The following GPRIN3 variants were observed in gnomAD, a reference collection of about 807,000 sequenced individuals.
GPRIN3 encodes G protein-regulated inducer of neurite outgrowth 3.
Under a neutral mutation model 13.7 loss-of-function variants are expected in GPRIN3, and 12 were observed. The observed-to-expected ratio is 0.87, with a 90% CI of 0.56 to 1.42. The LOEUF (loss-of-function observed/expected upper bound fraction) is 1.42, where lower values mean the gene tolerates loss of function less well. GPRIN3 is among the 40% of genes most tolerant of loss of function. GPRIN3 has a pLI of 0.00. For synonymous variants in GPRIN3, 377 were observed against 372.7 expected, an observed-to-expected ratio of 1.01 and a Z score of -0.13; for missense variants, 1,009 against 958.7, an observed-to-expected ratio of 1.05 and a Z score of -0.69.
chr4:89,302,507 T>C (rs1184141285), intron 1 of GPRIN3, among the ~76,000 whole-genome samples: 1 of 152,182 alleles, frequency 6.6e-6, no homozygotes, highest in African/African-American at 2.4e-5. Context: ...GGGTCATTTA[T>C]AACTGCCTGG....
rs576728901 is a variant in GPRIN3, at chr4:89,249,211, C to T, written c.900G>A (p.Thr300=). The T allele has an allele frequency of 4.1e-5, 66 of 1,614,154 alleles. No individual in the cohort carries two copies. Among genetic ancestry groups the T allele is most frequent in the South Asian group, 1.1e-4 (10 of 91,086 alleles). Residue 300 remains threonine (T), a synonymous_variant, in exon 2 of 2, where the codon ACG becomes ACA. Transcript: ENST00000609438. ...RQMSRFKEAS[T]MTNQAESEIK... ...TTTCACTTTCAGCTTGGTTGGTCAT[C>T]GTACTGGCTTCTTTGAACCTTGACA...
intron 1 of GPRIN3, among the ~76,000 whole-genome samples, chr4:89,291,575 A>G (rs1724573091): frequency 6.6e-6 from 1 of 152,100 alleles, no homozygotes. Context: ...TTCCTTTACT[A>G]GTTGAGGGAC....
Position 89,248,578 on chromosome 4 carries a change from T to C in GPRIN3, c.1533A>G (p.Leu511=), listed in dbSNP as rs199724097. Residue 511 remains leucine (L), a synonymous_variant, in exon 2 of 2, where the codon CTA becomes CTG. Transcript: ENST00000609438. ...NGHKTDPDCK[L]SDSCGSISKA... ...TGCTGATAGAGCCACAAGAGTCAGA[T>C]AGTTTGCAATCTGGGTCTGTTTTGT... is the stretch of plus-strand genomic sequence containing the variant. The C allele has an allele frequency of 6.8e-5, 110 of 1,613,404 alleles. No homozygotes were observed. The highest frequency in any genetic ancestry group is 1.5e-4 in the South Asian group (14 of 91,076).
chr4:89,249,869 G>A lies in GPRIN3; in HGVS notation c.242C>T (p.Pro81Leu), dbSNP rs756428284. Residue 81 changes from proline to leucine, a missense_variant, in exon 2 of 2, where the codon CCT (proline) becomes CTT (leucine). By Grantham distance (98) the Pro-to-Leu change is moderately conservative. Transcript: ENST00000609438. ...HETTQPDMSS[P>L]GVFNEVQKAP... ...TTTCTGCACTTCATTGAACACACCA[G>A]GAGAAGACATATCTGGTTGGGTGGT... 4 of 1,614,122 alleles carry A rather than the reference G, an allele frequency of 2.5e-6. No homozygotes were observed. Among genetic ancestry groups the A allele is most frequent in the Non-Finnish European group, 3.4e-6 (4 of 1,180,036 alleles).
intron 1 of GPRIN3, among the ~76,000 whole-genome samples, chr4:89,261,134 G>C (rs1036861433): frequency 6.6e-6 from 1 of 152,162 alleles, no homozygotes; most frequent in South Asian, 2.1e-4. Flanking sequence ...ATCAAGAGGA[G>C]CTAGATGTTA....
At position 89,249,099 on chromosome 4, in the gene GPRIN3, T is replaced by C; in HGVS notation, c.1012A>G (p.Ser338Gly). ...TCCTTCAGAAATGCAGTGAGGATAC[T>C]GGGGCTGGTGGAGACGGATCTGCTC... is the stretch of plus-strand genomic sequence containing the variant. ...VESRSVSTSP[S>G]ILTAFLKESR... The change falls in exon 2 of 2, where the codon AGT becomes GGT. Residue 338 changes from serine to glycine, a missense_variant. Physicochemically the swap from Ser to Gly is moderately conservative, Grantham distance 56 (BLOSUM62 0). Coordinates refer to ENST00000609438, the MANE Select transcript of GPRIN3 (RefSeq NM_198281.3). 1 of 1,614,186 alleles carries C rather than the reference T, an allele frequency of 6.2e-7. No individual in the cohort carries two copies. Among genetic ancestry groups the C allele is most frequent in the Non-Finnish European group, 8.5e-7 (1 of 1,180,026 alleles).
In GPRIN3 at chr4:89,237,395, G is replaced by A. The variant is rs1174203553; in HGVS notation, c.*10385C>T. ...ATGTCTGTATCCCTCCAAAACTCAT[G>A]TTGAAGTCTGAACTCCTAAGGCGAT... On this transcript the variant is annotated 3_prime_UTR_variant, in exon 2 of 2. Transcript: ENST00000609438. 1.3e-5 allele frequency: 2 copies of A among 152,204 alleles called. No individual in the cohort carries two copies. Among genetic ancestry groups the A allele is most frequent in the African/African-American group, 4.8e-5 (2 of 41,456 alleles). The allele number at this position is 152,204 out of a possible 1,614,324, so 9.4% of individuals were successfully genotyped here.
In GPRIN3 at chr4:89,293,912, A is replaced by T. The variant is rs73847633; in HGVS notation, c.-124+13703T>A. Among the ~76,000 whole-genome samples, 274 of 152,362 alleles carry T rather than the reference A, an allele frequency of 1.8e-3. 3 individuals carry two copies. The highest frequency in any genetic ancestry group is 6.3e-3 in the African/African-American group (262 of 41,584). ...TTCTATTCAGAATATGTACTTGGTT[A>T]CAAATATTCTTTAGTGCATGCCTTT... On this transcript the variant is annotated intron_variant, in intron 1 of 1. Transcript: ENST00000609438.
At chr4:89,301,566 A>G (rs961702600) in intron 1 of GPRIN3, among the ~76,000 whole-genome samples, 5 of 152,226 alleles carry the variant, frequency 3.3e-5, no homozygotes, top group Non-Finnish European at 4.4e-5. Context: ...AAGAAAGAGA[A>G]GAGTCTCCCA....
intron 1 of GPRIN3, among the ~76,000 whole-genome samples, chr4:89,293,257 G>A (rs1196963913): frequency 1.3e-5 from 2 of 152,200 alleles, no homozygotes; most frequent in African/African-American, 4.8e-5. Flanking sequence ...CCTTTTATGG[G>A]CTAGCATCCT....
At chr4:89,270,602 A>AAAATAT (rs1723922922) in intron 1 of GPRIN3, among the ~76,000 whole-genome samples, 22 of 55,594 alleles carry the variant, frequency 4.0e-4, no homozygotes, top group African/African-American at 2.0e-3. Context: ...TATATATATA[A>AAAATAT]AATATAGATA....
At chr4:89,299,902 T>C (rs1186948424) in intron 1 of GPRIN3, among the ~76,000 whole-genome samples, 1 of 152,104 alleles carries the variant, frequency 6.6e-6, no homozygotes, top group Non-Finnish European at 1.5e-5. Flanking sequence ...AGCAATCCAA[T>C]GTGAGATCTC....
At chr4:89,284,209 TG>T (rs760434361) in intron 1 of GPRIN3, among the ~76,000 whole-genome samples, 1 of 152,028 alleles carries the variant, frequency 6.6e-6, no homozygotes, top group Non-Finnish European at 1.5e-5. Flanking sequence ...GGTGAAGGAA[TG>T]GGTGGGTGGA....
At chr4:89,265,607 C>T (rs571960899) in intron 1 of GPRIN3, among the ~76,000 whole-genome samples, 28 of 152,196 alleles carry the variant, frequency 1.8e-4, no homozygotes, top group Admixed American at 3.3e-4. Flanking sequence ...GTTGACCTTG[C>T]GGACTACTAT....
At chr4:89,286,668 A>G (rs1018484651) in intron 1 of GPRIN3, among the ~76,000 whole-genome samples, 4 of 152,188 alleles carry the variant, frequency 2.6e-5, no homozygotes, top group Non-Finnish European at 5.9e-5. Flanking sequence ...GACTCTCAAA[A>G]AAGAAAAGTC....
rs1722896667 is a variant in GPRIN3 at position 89,240,591 on chromosome 4, T to C, written c.*7189A>G. On this transcript the variant is annotated 3_prime_UTR_variant, in exon 2 of 2. Transcript: ENST00000609438. ...TTCATCCCTGTTTGCCATTTCCAGA[T>C]ATGAAATTAGGTGCTTAAAGAGAAG... 6.6e-6 allele frequency: 1 copy of C among 152,200 alleles called. No homozygotes were observed. The highest frequency in any genetic ancestry group is 1.5e-5 in the Non-Finnish European group (1 of 68,032). 9.4% of individuals were successfully genotyped at this position (152,200 alleles called of 1,614,324 possible). A position where few individuals can be genotyped will look rare whatever the true frequency, so the allele number is the denominator to read the frequency against.
At chr4:89,280,430 G>A (rs552157340) in intron 1 of GPRIN3, among the ~76,000 whole-genome samples, 1 of 152,290 alleles carries the variant, frequency 6.6e-6, no homozygotes, top group African/African-American at 2.4e-5. Context: ...ATACAAGTAA[G>A]ATGAGGCTTC....
chr4:89,294,026 T>C (rs1724663929), intron 1 of GPRIN3, among the ~76,000 whole-genome samples: 2 of 152,204 alleles, frequency 1.3e-5, no homozygotes, highest in African/African-American at 4.8e-5. Flanking sequence ...GTTTTGGGGA[T>C]AGGGACTTGG....
chr4:89,248,332 T>G lies in GPRIN3; in HGVS notation c.1779A>C (p.Leu593Phe), dbSNP rs763658161. The change falls in exon 2 of 2, where the codon TTA becomes TTC. Residue 593 changes from leucine to phenylalanine, a missense_variant. Leu to Phe is a conservative substitution (Grantham distance 22). Transcript: ENST00000609438. Reference protein sequence around the residue: ...SPIRKNQESTLEENRQTKTAT... With the variant: ...SPIRKNQESTFEENRQTKTAT... The stretch of plus-strand genomic sequence containing the variant: ...CTGTCTTGGTCTGTCTGTTTTCTTC[T>G]AAGGTGCTCTCCTGGTTCTTCCTAA... 46 of 1,614,124 alleles carry G rather than the reference T, an allele frequency of 2.8e-5. No homozygotes were observed. Among genetic ancestry groups the G allele is most frequent in the Non-Finnish European group, 3.9e-5 (46 of 1,180,004 alleles).
Sources: allele counts gnomAD v4.1 joint callset (sites outside exome capture counted in the v4.1 genomes callset), GRCh38; gene constraint gnomAD v4.1.1; transcripts MANE v1.5; gene names NCBI Gene and HGNC (gene_info 2026-07-23, HGNC 2026-07-21).